Variants in PPP4R4 observed in about 807,000 individuals in gnomAD.
The protein encoded by PPP4R4 is serine/threonine-protein phosphatase 4 regulatory subunit 4.
PPP4R4 carries 70 observed loss-of-function variants against 121.8 expected under a neutral mutation model. The observed-to-expected ratio is 0.57, with a 90% CI of 0.47 to 0.70. PPP4R4 has a LOEUF of 0.70. PPP4R4 is among the 30% of genes least tolerant of loss of function. The pLI is 0.00. For missense variants in PPP4R4, 875 were observed against 1,033.6 expected (o/e 0.85, Z 2.10); for synonymous variants, 348 against 355.7 (o/e 0.98, Z 0.24).
At chr14:94,190,678 A>G (rs1266904266) in intron 2 of PPP4R4, among the ~76,000 whole-genome samples, 2 of 152,202 alleles carry the variant, frequency 1.3e-5, no homozygotes, top group African/African-American at 2.4e-5. Flanking sequence ...ATGAGGAAAT[A>G]GAAAGGCTGG....
intron 2 of PPP4R4, among the ~76,000 whole-genome samples, chr14:94,178,880 A>G (rs1888821378): frequency 6.6e-6 from 1 of 152,152 alleles, no homozygotes; most frequent in African/African-American, 2.4e-5. Context: ...GAGTGATTTT[A>G]TTATAGAAGA....
In PPP4R4 at chr14:94,276,843, A is replaced by G. The variant is rs975909759; in HGVS notation, c.2597+1322A>G. Among the ~76,000 whole-genome samples, 3 of 152,338 alleles carry G rather than the reference A, an allele frequency of 2.0e-5. No homozygotes were observed. The East Asian group carries it at 5.8e-4, about 29-fold the overall frequency. On this transcript the variant is annotated intron_variant, in intron 24 of 24. Coordinates refer to ENST00000304338, the MANE Select transcript of PPP4R4 (RefSeq NM_058237.2). ...AAATTTATTGACTAGAGCTCAAGGA[A>G]AGAGGACCAATGTACTATTACAAAA...
intron 22 of PPP4R4, 30 bp downstream of exon 22, chr14:94,265,917 C>T (rs765365494): frequency 1.5e-6 from 2 of 1,378,854 alleles, no homozygotes; most frequent in African/African-American, 1.5e-5. Context: ...CAATTTTTAA[C>T]ATAATTTTTA....
At chr14:94,278,297 A>T (rs936078091) in intron 24 of PPP4R4, among the ~76,000 whole-genome samples, 1 of 152,192 alleles carries the variant, frequency 6.6e-6, no homozygotes, top group Non-Finnish European at 1.5e-5. Flanking sequence ...TCATATATTT[A>T]TGCCTATGTA....
At chr14:94,240,261 G>A (rs1275241689) in intron 8 of PPP4R4, among the ~76,000 whole-genome samples, 1 of 152,114 alleles carries the variant, frequency 6.6e-6, no homozygotes, top group Non-Finnish European at 1.5e-5. Context: ...GATAAAATGG[G>A]CTTAAGCTGT....
intron 8 of PPP4R4, among the ~76,000 whole-genome samples, chr14:94,239,139 T>C (rs1892492931): frequency 6.6e-6 from 1 of 152,030 alleles, no homozygotes; most frequent in African/African-American, 2.4e-5. Context: ...TCTCATACTT[T>C]TTCTTTCTCT....
Position 94,208,809 on chromosome 14 carries a change from T to C in PPP4R4, c.294+243T>C, listed in dbSNP as rs201449905. ...AGTCATTTTCTCAGTAGAGACATTTTACTAAAGGTAGTTTTTAGTAGCTCA... is the reference window on the plus strand; with the variant it reads ...AGTCATTTTCTCAGTAGAGACATTTCACTAAAGGTAGTTTTTAGTAGCTCA... On this transcript the variant is annotated intron_variant, in intron 3 of 24. Coordinates refer to ENST00000304338, the MANE Select transcript of PPP4R4 (RefSeq NM_058237.2). 1.3e-4 allele frequency among the ~76,000 whole-genome samples: 20 copies of C among 152,190 alleles called. No individual in the cohort carries two copies. In the East Asian group the frequency reaches 3.7e-3, roughly 28 times the overall value.
chr14:94,266,930 AT>A (rs1322109815), intron 22 of PPP4R4, 28 bp from the exon 23 acceptor site: 1 of 1,436,982 alleles, frequency 7.0e-7, no homozygotes, highest in Non-Finnish European at 9.7e-7. Context: ...GTGTTTTTGT[AT>A]TTTAAACTAA....
Position 94,174,371 on chromosome 14 carries a change from C to T in PPP4R4, c.-95C>T. ...CACGCTCGGCTCCAGCGGCCAAGAG[C>T]CGGAGAAAGTCCTGCTGGTGGGCGG... On this transcript the variant is annotated 5_prime_UTR_variant, in exon 1 of 25. Transcript: ENST00000304338. 1 of 1,144,294 alleles carries T rather than the reference C, an allele frequency of 8.7e-7. No homozygotes were observed. The highest frequency in any genetic ancestry group is 1.7e-5 in the African/African-American group (1 of 58,574). The allele number at this position is 1,144,294 out of a possible 1,614,324, so 70.9% of individuals were successfully genotyped here. A position where few individuals can be genotyped will look rare whatever the true frequency, so the allele number is the denominator to read the frequency against.
rs1427061702 is a variant in PPP4R4, at chr14:94,275,516, T to C, written c.2592T>C (p.Ala864=). 5 of 1,614,052 alleles carry C rather than the reference T, an allele frequency of 3.1e-6. No homozygotes were observed. The highest frequency in any genetic ancestry group is 4.2e-6 in the Non-Finnish European group (5 of 1,179,936). Residue 864 remains alanine (A), a synonymous_variant, in exon 24 of 25, where the codon GCT becomes GCC. Coordinates refer to ENST00000304338, the MANE Select transcript of PPP4R4 (RefSeq NM_058237.2). The part of the protein sequence containing the change: ...SGSKDTQPRK[A]TLKSRKSNP ...GTAAAGATACACAACCACGGAAGGC[T>C]ACCTTGTAAGTAATCAAGTGATGTC...
At chr14:94,183,847 A>G (rs1399675572) in intron 2 of PPP4R4, among the ~76,000 whole-genome samples, 1 of 151,930 alleles carries the variant, frequency 6.6e-6, no homozygotes, top group African/African-American at 2.4e-5. Context: ...GTACAAAATA[A>G]TTTCATAATA....
Position 94,231,244 on chromosome 14 carries a change from G to T in PPP4R4, c.445G>T (p.Val149Phe). 2 of 1,609,942 alleles carry T rather than the reference G, an allele frequency of 1.2e-6. No homozygotes were observed. The highest frequency in any genetic ancestry group is 1.7e-6 in the Non-Finnish European group (2 of 1,176,708). ...LLHLEHRDTG[V>F]SNAWLETLLS... ...TATGTTTTATCTCTGTCAACCAGGT[G>T]TCAGCAATGCATGGCTGGAAACTCT... The change falls in exon 5 of 25, where the codon GTC becomes TTC. Residue 149 changes from valine (V) to phenylalanine (F), a missense_variant and splice_region_variant. Coordinates refer to ENST00000304338, the MANE Select transcript of PPP4R4 (RefSeq NM_058237.2).
At chr14:94,175,818 T>C (rs1888648901) in intron 1 of PPP4R4, 1 of 542,764 alleles carries the variant, frequency 1.8e-6, no homozygotes, top group Non-Finnish European at 3.3e-6. Flanking sequence ...GTCCAGGAGC[T>C]AGAAGGATAA....
chr14:94,271,984 A>C (rs1462101944), intron 23 of PPP4R4, among the ~76,000 whole-genome samples: 4 of 152,208 alleles, frequency 2.6e-5, no homozygotes, highest in African/African-American at 9.6e-5. Flanking sequence ...TATATAAGGA[A>C]AACTACAAAA....
At chr14:94,268,515 C>G (rs923145278) in intron 23 of PPP4R4, among the ~76,000 whole-genome samples, 2 of 152,172 alleles carry the variant, frequency 1.3e-5, no homozygotes, top group African/African-American at 4.8e-5. Flanking sequence ...GATTCTAAAA[C>G]TTACATCCAA....
Position 94,245,586 on chromosome 14 carries a change from G to T in PPP4R4, c.1345-1G>T. On this transcript the variant is annotated splice_acceptor_variant, in intron 12 of 24. Transcript: ENST00000304338. LOFTEE classifies it high-confidence loss of function. ...ACAGTAATCAATATCTCTGTTAAAAGGTACTAGATGCTCTTATAGATCATC... is the reference window on the plus strand; with the variant it reads ...ACAGTAATCAATATCTCTGTTAAAATGTACTAGATGCTCTTATAGATCATC... 6.5e-7 allele frequency: 1 copy of T among 1,533,898 alleles called. No individual in the cohort carries two copies. The highest frequency in any genetic ancestry group is 8.9e-7 in the Non-Finnish European group (1 of 1,118,974).
In PPP4R4 at chr14:94,240,724, C is replaced by A. The variant is rs568090661; in HGVS notation, c.905C>A (p.Ser302Tyr). Reference sequence around the variant, plus strand: ...TTAGTGAAATCATTTTGTGAAAAATCTTTCAAAGCAGATGAATCAATTCTT... The same window carrying A: ...TTAGTGAAATCATTTTGTGAAAAATATTTCAAAGCAGATGAATCAATTCTT... ...LPLVKSFCEK[S>Y]FKADESILIS... Residue 302 changes from serine (S) to tyrosine (Y), a missense_variant, in exon 9 of 25, where the codon TCT (serine) becomes TAT (tyrosine). Ser to Tyr is a moderately radical substitution (Grantham distance 144). Transcript: ENST00000304338. 5 of 1,607,098 alleles carry A rather than the reference C, an allele frequency of 3.1e-6. No individual in the cohort carries two copies. The highest frequency in any genetic ancestry group is 1.7e-5 in the Admixed American group (1 of 58,988).
chr14:94,269,287 T>C (rs992359344), intron 23 of PPP4R4, among the ~76,000 whole-genome samples: 1 of 152,112 alleles, frequency 6.6e-6, no homozygotes, highest in Non-Finnish European at 1.5e-5. Context: ...ACAGTACCGG[T>C]CATAAACAAA....
At chr14:94,277,823 G>A (rs190211002) in intron 24 of PPP4R4, among the ~76,000 whole-genome samples, 1 of 152,148 alleles carries the variant, frequency 6.6e-6, no homozygotes, top group African/African-American at 2.4e-5. Flanking sequence ...TGATTAAAAA[G>A]TGAATCTAGA....
Sources: gnomAD v4.1 joint callset for allele counts (sites outside exome capture counted in the v4.1 genomes callset) on GRCh38, gnomAD v4.1.1 for gene constraint, MANE v1.5 for transcripts, NCBI Gene and HGNC (gene_info 2026-07-23, HGNC 2026-07-21) for gene names.